ULK4: variants seen among roughly 807,000 people sequenced by gnomAD.
The protein encoded by ULK4 is inactive serine/threonine-protein kinase ULK4.
ULK4 carries 133 observed loss-of-function variants against 160.6 expected under a neutral mutation model. The observed-to-expected ratio is 0.83, with a 90% CI of 0.72 to 0.96. The LOEUF is 0.96. ULK4 is among the 40% of genes least tolerant of loss of function. ULK4 has a pLI of 0.00. For synonymous variants in ULK4, 534 were observed against 539.8 expected (o/e 0.99, Z 0.15); for missense variants, 1,580 against 1,499.5 (o/e 1.05, Z -0.89).
intron 34 of ULK4, among the ~76,000 whole-genome samples, chr3:41,448,226 G>C (rs1565959): frequency 0.21 from 31,743 of 151,948 alleles, 3,864 homozygotes; most frequent in East Asian, 0.57. Context: ...GTTAGGACTA[G>C]GAGGCTGGGG....
intron 35 of ULK4, among the ~76,000 whole-genome samples, chr3:41,303,960 G>A (rs2079848431): frequency 6.6e-6 from 1 of 152,128 alleles, no homozygotes; most frequent in African/African-American, 2.4e-5. Context: ...CATCACTATT[G>A]TATTTGGATG....
At chr3:41,371,795 T>G (rs2081373890) in intron 35 of ULK4, among the ~76,000 whole-genome samples, 1 of 151,970 alleles carries the variant, frequency 6.6e-6, no homozygotes. Flanking sequence ...GAGAACGAGT[T>G]TGATGAATTG....
Position 41,935,702 on chromosome 3 carries a change from T to C in ULK4, c.378+99A>G, listed in dbSNP as rs1171037449. On this transcript the variant is annotated intron_variant, in intron 4 of 36. Transcript: ENST00000301831. ...AAAGATTAACTAAAATTTCAAGATA[T>C]TCTATACCAAAATTTTATCCAAAAA... is the stretch of plus-strand genomic sequence containing the variant. The C allele has an allele frequency of 3.2e-5, 45 of 1,385,370 alleles. No homozygotes were observed. In the South Asian group the frequency reaches 3.3e-4, roughly 10 times the overall value. 85.8% of individuals were successfully genotyped at this position (1,385,370 alleles called of 1,614,324 possible).
intron 30 of ULK4, among the ~76,000 whole-genome samples, chr3:41,646,508 T>C (rs2034499561): frequency 6.6e-6 from 1 of 152,250 alleles, no homozygotes; most frequent in African/African-American, 2.4e-5. Flanking sequence ...TTTAAGAATG[T>C]TGAATATTGG....
chr3:41,779,991 A>G (rs1214937512), intron 21 of ULK4, among the ~76,000 whole-genome samples: 3 of 115,724 alleles, frequency 2.6e-5, no homozygotes, highest in South Asian at 2.7e-4. Flanking sequence ...ATAATAAAAA[A>G]AAAAAAAAAA....
chr3:41,780,758 G>A (rs2039813494), intron 21 of ULK4, among the ~76,000 whole-genome samples: 1 of 152,108 alleles, frequency 6.6e-6, no homozygotes, highest in African/African-American at 2.4e-5. Flanking sequence ...CAAAGCTATG[G>A]CTTTCTACCA....
chr3:41,634,109 G>A lies in ULK4; in HGVS notation c.3072-18392C>T, dbSNP rs189723319. 6.2e-4 allele frequency among the ~76,000 whole-genome samples: 95 copies of A among 152,326 alleles called. 2 individuals are homozygous for A. In the East Asian group the frequency reaches 0.013, roughly 20 times the overall value. On this transcript the variant is annotated intron_variant, in intron 30 of 36. Transcript: ENST00000301831. ...AATGAAAGGGAGCTGGGATGTGGCT[G>A]TTTACACTGTGCCTTTCATGGGATC... is the stretch of plus-strand genomic sequence containing the variant.
At chr3:41,416,690 GT>G (rs1249953337) in intron 34 of ULK4, among the ~76,000 whole-genome samples, 1 of 152,180 alleles carries the variant, frequency 6.6e-6, no homozygotes, top group Non-Finnish European at 1.5e-5. Context: ...CACAGCCTGA[GT>G]AAGGCAGTAG....
chr3:41,918,891 A>G (rs918918908), intron 6 of ULK4, among the ~76,000 whole-genome samples: 31 of 152,042 alleles, frequency 2.0e-4, no homozygotes, highest in Admixed American at 1.7e-3. Flanking sequence ...GTGAGCCACC[A>G]CACCTGGCCT....
chr3:41,507,368 G>C (rs28655658), intron 32 of ULK4, among the ~76,000 whole-genome samples: 3 of 151,718 alleles, frequency 2.0e-5, no homozygotes, highest in African/African-American at 7.3e-5. Flanking sequence ...AGAAATACTA[G>C]GAAGCCATCA....
intron 11 of ULK4, among the ~76,000 whole-genome samples, chr3:41,910,210 T>G (rs1045554986): frequency 2.0e-5 from 3 of 152,234 alleles, no homozygotes; most frequent in Admixed American, 6.5e-5. Flanking sequence ...CTACAAAATT[T>G]TTTAATGCAT....
chr3:41,356,662 C>T (rs3908969), intron 35 of ULK4, among the ~76,000 whole-genome samples: 7,444 of 152,172 alleles, frequency 0.049, 433 homozygotes, highest in East Asian at 0.21. Context: ...ATGTTACCTG[C>T]ACAATCAGAA....
At chr3:41,513,390 C>A (rs1270984472) in intron 32 of ULK4, among the ~76,000 whole-genome samples, 2 of 152,216 alleles carry the variant, frequency 1.3e-5, no homozygotes, top group South Asian at 2.1e-4. Flanking sequence ...GTAATCCCAG[C>A]ACTTTGGGAG....
intron 18 of ULK4, among the ~76,000 whole-genome samples, chr3:41,824,924 A>G (rs1467667494): frequency 6.6e-6 from 1 of 152,222 alleles, no homozygotes; most frequent in African/African-American, 2.4e-5. Context: ...CAGTAGGGGC[A>G]GACTGACACC....
chr3:41,417,773 T>C (rs1471412039), intron 34 of ULK4, among the ~76,000 whole-genome samples: 2 of 152,154 alleles, frequency 1.3e-5, no homozygotes, highest in Non-Finnish European at 2.9e-5. Context: ...TGGACAGTCA[T>C]ATGGTCACGT....
At chr3:41,739,082 T>A (rs117195185) in intron 22 of ULK4, among the ~76,000 whole-genome samples, 2 of 151,970 alleles carry the variant, frequency 1.3e-5, no homozygotes, top group Non-Finnish European at 2.9e-5. Flanking sequence ...AACATTACGA[T>A]TGAAACCAAA....
Position 41,463,212 on chromosome 3 carries a change from T to C in ULK4, c.3268A>G (p.Thr1090Ala). ...TTATTGTCCACATCCAAGCACAGTG[T>C]GGCAGTTTCAGTGAGCAGGTTACAG... The part of the protein sequence containing the change: ...HICNLLTETA[T>A]LCLDVDNKNN... Residue 1090 changes from threonine (T) to alanine (A), a missense_variant, in exon 33 of 37, where the codon ACA becomes GCA. Coordinates refer to ENST00000301831, the MANE Select transcript of ULK4 (RefSeq NM_017886.4). 6.2e-7 allele frequency: 1 copy of C among 1,613,642 alleles called. No individual in the cohort carries two copies. The highest frequency in any genetic ancestry group is 8.5e-7 in the Non-Finnish European group (1 of 1,179,712).
At chr3:41,545,110 T>C (rs1287380154) in intron 32 of ULK4, among the ~76,000 whole-genome samples, 49 of 152,196 alleles carry the variant, frequency 3.2e-4, no homozygotes. Flanking sequence ...GTGCGGCAGA[T>C]TTGTGGAGGT....
At chr3:41,491,700 T>A (rs2084772037) in intron 32 of ULK4, among the ~76,000 whole-genome samples, 1 of 151,302 alleles carries the variant, frequency 6.6e-6, no homozygotes, top group Non-Finnish European at 1.5e-5. Flanking sequence ...AATTTTTATA[T>A]TTTTTTTTAT....
Sources: gnomAD v4.1 joint callset for allele counts (sites outside exome capture counted in the v4.1 genomes callset) on GRCh38, gnomAD v4.1.1 for gene constraint, MANE v1.5 for transcripts, NCBI Gene and HGNC (gene_info 2026-07-23, HGNC 2026-07-21) for gene names.